ACO1: variants seen among roughly 807,000 people sequenced by gnomAD.
The protein encoded by ACO1 is aconitase 1, also known as cytoplasmic aconitate hydratase.
A neutral mutation model predicts 105.1 loss-of-function variants in ACO1; 78 were observed. That is an observed-to-expected ratio of 0.74 (90% CI 0.62 to 0.90). The LOEUF (loss-of-function observed/expected upper bound fraction) is 0.90, where lower values mean the gene tolerates loss of function less well. ACO1 is among the 40% of genes least tolerant of loss of function. ACO1 has a pLI of 0.00. For missense variants in ACO1, 965 were observed against 1,111.1 expected, an observed-to-expected ratio of 0.87 and a Z score of 1.87; for synonymous variants, 364 against 397.4, an observed-to-expected ratio of 0.92 and a Z score of 1.00.
At chr9:32,397,413 C>T (rs1426551986) in intron 1 of ACO1, among the ~76,000 whole-genome samples, 2 of 152,162 alleles carry the variant, frequency 1.3e-5, no homozygotes, top group Non-Finnish European at 2.9e-5. Flanking sequence ...AATGCAGTTT[C>T]CCAGATGCAT....
intron 2 of ACO1, among the ~76,000 whole-genome samples, chr9:32,406,787 A>T (rs749912704): frequency 6.6e-6 from 1 of 152,154 alleles, no homozygotes. Flanking sequence ...ACCACTGAAT[A>T]TCTCTTTCTT....
At chr9:32,389,265 A>G (rs1230292019) in intron 1 of ACO1, among the ~76,000 whole-genome samples, 1 of 152,226 alleles carries the variant, frequency 6.6e-6, no homozygotes, top group Non-Finnish European at 1.5e-5. Flanking sequence ...GATATGCCAA[A>G]ACATTGAGTG....
At chr9:32,447,182 C>T (rs1822632621) in intron 19 of ACO1, among the ~76,000 whole-genome samples, 1 of 152,168 alleles carries the variant, frequency 6.6e-6, no homozygotes, top group African/African-American at 2.4e-5. Flanking sequence ...GTTTCATTCT[C>T]CCTGTCACTT....
At chr9:32,446,853 C>A (rs922363431) in intron 19 of ACO1, among the ~76,000 whole-genome samples, 4 of 152,038 alleles carry the variant, frequency 2.6e-5, no homozygotes, top group Non-Finnish European at 5.9e-5. Flanking sequence ...AAGCTTAGTT[C>A]GGCTGGATAT....
chr9:32,437,284 C>A (rs1310121391), intron 18 of ACO1, among the ~76,000 whole-genome samples: 2 of 152,118 alleles, frequency 1.3e-5, no homozygotes, highest in Non-Finnish European at 2.9e-5. Context: ...TCATATTACT[C>A]CTTTAGGTCA....
intron 2 of ACO1, among the ~76,000 whole-genome samples, chr9:32,406,216 G>T (rs192542344): frequency 1.7e-4 from 26 of 152,200 alleles, no homozygotes; most frequent in Non-Finnish European, 2.8e-4. Context: ...CATATACTTT[G>T]GTCTTAATTA....
In ACO1 at chr9:32,384,653, C is replaced by G. The variant is rs776583154; in HGVS notation, c.-105C>G. 13 of 390,166 alleles carry G rather than the reference C, an allele frequency of 3.3e-5. No homozygotes were observed. The Middle Eastern group carries it at 1.8e-3, about 55-fold the overall frequency. The allele number at this position is 390,166 out of a possible 1,614,324, so 24.2% of individuals were successfully genotyped here. The stretch of plus-strand genomic sequence containing the variant: ...AGGGGGCGGAGCGTGGAGGCGGCAG[C>G]TGGAACCGCGCAGCGCACGGGAACG... On this transcript the variant is annotated 5_prime_UTR_variant, in exon 1 of 21. Coordinates refer to ENST00000309951, the MANE Select transcript of ACO1 (RefSeq NM_002197.3).
At chr9:32,395,475 C>A (rs1563928056) in intron 1 of ACO1, among the ~76,000 whole-genome samples, 1 of 151,794 alleles carries the variant, frequency 6.6e-6, no homozygotes, top group African/African-American at 2.4e-5. Context: ...GACCCTGTCT[C>A]AAAAAACAAA....
intron 19 of ACO1, among the ~76,000 whole-genome samples, chr9:32,443,351 G>A (rs1822524378): frequency 6.6e-6 from 1 of 152,012 alleles, no homozygotes; most frequent in Non-Finnish European, 1.5e-5. Flanking sequence ...TTTCTCCTGT[G>A]ACATTAGACA....
rs958759864 is a variant in ACO1 at position 32,429,418 on chromosome 9, G to A, written c.1485-1G>A. 2 of 1,614,084 alleles carry A rather than the reference G, an allele frequency of 1.2e-6. No homozygotes were observed. The highest frequency in any genetic ancestry group is 1.7e-6 in the Non-Finnish European group (2 of 1,179,960). ...GTGTGTGCTTCTCTCTTGGTGTCTAGGTTTGACGTGGTGGGCTATGGCTGC... is the reference window on the plus strand; with the variant it reads ...GTGTGTGCTTCTCTCTTGGTGTCTAAGTTTGACGTGGTGGGCTATGGCTGC... On this transcript the variant is annotated splice_acceptor_variant, in intron 12 of 20. Transcript: ENST00000309951. LOFTEE classifies it high-confidence loss of function.
At chr9:32,407,223 T>C in intron 2 of ACO1, 38 bp from the exon 3 acceptor site, 2 of 1,605,548 alleles carry the variant, frequency 1.2e-6, no homozygotes, top group Non-Finnish European at 1.7e-6. Context: ...TTAAGTTGTC[T>C]CACAGGTTTT....
At position 32,436,171 on chromosome 9, in the gene ACO1, T is replaced by C. The variant is rs537512723; in HGVS notation, c.2100-79T>C. On this transcript the variant is annotated intron_variant, in intron 17 of 20. Transcript: ENST00000309951. The stretch of plus-strand genomic sequence containing the variant: ...GGTCTATGTTTTGTTTTGTTTTGTT[T>C]TTTTCTTTTCTTGGTGTAAGCTAAG... 13 of 1,583,864 alleles carry C rather than the reference T, an allele frequency of 8.2e-6. No homozygotes were observed. The Admixed American group carries it at 1.0e-4, about 12-fold the overall frequency.
At chr9:32,398,797 G>T (rs987587660) in intron 1 of ACO1, among the ~76,000 whole-genome samples, 3 of 152,004 alleles carry the variant, frequency 2.0e-5, no homozygotes, top group Non-Finnish European at 4.4e-5. Flanking sequence ...GTCTCGCTAT[G>T]TTGCCCAGGC....
intron 19 of ACO1, among the ~76,000 whole-genome samples, chr9:32,448,249 G>T (rs1006023736): frequency 2.6e-5 from 4 of 152,226 alleles, no homozygotes; most frequent in Non-Finnish European, 5.9e-5. Flanking sequence ...GCCCAGAGAG[G>T]AGGAATCTAG....
chr9:32,412,954 A>G (rs375476445), intron 4 of ACO1, among the ~76,000 whole-genome samples: 40 of 152,176 alleles, frequency 2.6e-4, no homozygotes, highest in African/African-American at 9.6e-4. Context: ...TCTAAACTCT[A>G]TTGACTCAAA....
chr9:32,423,087 A>T (rs996262757), intron 8 of ACO1, among the ~76,000 whole-genome samples: 3 of 152,210 alleles, frequency 2.0e-5, no homozygotes, highest in African/African-American at 4.8e-5. Context: ...TTCAGAAAAC[A>T]GTCACTTTGA....
chr9:32,431,846 G>A lies in ACO1; in HGVS notation c.1851+3G>A. On this transcript the variant is annotated splice_donor_region_variant and intron_variant, in intron 15 of 20. Transcript: ENST00000309951. ...AGGAAGTCTATCAGAAAATAGAGGT[G>A]AGGTCCCACACTGCCCTCCCCGCCC... 6.2e-7 allele frequency: 1 copy of A among 1,613,970 alleles called. No individual in the cohort carries two copies. Among genetic ancestry groups the A allele is most frequent in the Non-Finnish European group, 8.5e-7 (1 of 1,179,966 alleles).
At chr9:32,431,585 T>C (rs1822235884) in intron 14 of ACO1, 134 bp from the exon 15 acceptor site, 1 of 924,686 alleles carries the variant, frequency 1.1e-6, no homozygotes. Flanking sequence ...GTGGCAGTGA[T>C]TCCGTATCCA....
intron 7 of ACO1, among the ~76,000 whole-genome samples, chr9:32,419,897 A>AT (rs962832131): frequency 1.4e-4 from 22 of 152,144 alleles, no homozygotes; most frequent in African/African-American, 2.4e-4. Flanking sequence ...CACAAACATA[A>AT]TTTTTTTTGC....
Sources: allele counts gnomAD v4.1 joint callset (sites outside exome capture counted in the v4.1 genomes callset), GRCh38; gene constraint gnomAD v4.1.1; transcripts MANE v1.5; gene names NCBI Gene and HGNC (gene_info 2026-07-23, HGNC 2026-07-21).